KCND2: variants seen among roughly 807,000 people sequenced by gnomAD.
The protein encoded by KCND2 is A-type voltage-gated potassium channel KCND2.
A neutral mutation model predicts 54.4 loss-of-function variants in KCND2; 16 were observed. The observed-to-expected ratio is 0.29, with a 90% CI of 0.20 to 0.45. KCND2 has a LOEUF of 0.45. Among genes scored for constraint, KCND2 ranks in the 20% least tolerant of loss-of-function variants. The pLI is 1.00. For missense variants in KCND2, 486 were observed against 824.2 expected (o/e 0.59, Z 5.02); for synonymous variants, 317 against 310.7 (o/e 1.02, Z -0.21).
intron 1 of KCND2, among the ~76,000 whole-genome samples, chr7:120,293,575 T>C (rs1339852186): frequency 6.6e-6 from 1 of 151,876 alleles, no homozygotes; most frequent in Non-Finnish European, 1.5e-5. Context: ...CAGACACATA[T>C]GGCTTTCCTG....
intron 4 of KCND2, 83 bp from the exon 5 acceptor site, chr7:120,745,697 T>G: frequency 7.0e-7 from 1 of 1,436,570 alleles, no homozygotes; most frequent in South Asian, 1.2e-5. Context: ...TTGGGCAGAT[T>G]TGAGCTTTAA....
At chr7:120,377,859 A>G (rs946731111) in intron 1 of KCND2, among the ~76,000 whole-genome samples, 1 of 151,864 alleles carries the variant, frequency 6.6e-6, no homozygotes, top group Admixed American at 6.6e-5. Context: ...CAGAAGCTAC[A>G]TTGTCCTCAG....
intron 1 of KCND2, among the ~76,000 whole-genome samples, chr7:120,553,942 G>A (rs555431867): frequency 3.8e-4 from 58 of 152,292 alleles, no homozygotes; most frequent in African/African-American, 1.3e-3. Context: ...TTAGACAAAA[G>A]CTTGGAGGTG....
Position 120,682,919 on chromosome 7 carries a change from C to T in KCND2, c.1116-49984C>T, listed in dbSNP as rs561769781. Reference sequence around the variant, plus strand: ...CCTACTCAGGGTGTTAAAATGACTACAGCAGCCGTAAGCATCACATGTTCA... The same window carrying T: ...CCTACTCAGGGTGTTAAAATGACTATAGCAGCCGTAAGCATCACATGTTCA... On this transcript the variant is annotated intron_variant, in intron 1 of 5. Coordinates refer to ENST00000331113, the MANE Select transcript of KCND2 (RefSeq NM_012281.3). Among the ~76,000 whole-genome samples, 62 of 152,250 alleles carry T rather than the reference C, an allele frequency of 4.1e-4. 1 individual carries two copies. Among genetic ancestry groups the T allele is most frequent in the African/African-American group, 1.2e-3 (51 of 41,562 alleles).
intron 1 of KCND2, among the ~76,000 whole-genome samples, chr7:120,488,969 G>A (rs78128790): frequency 6.6e-6 from 1 of 152,010 alleles, no homozygotes; most frequent in East Asian, 1.9e-4. Context: ...AGTATAGAAT[G>A]TTAAATCATT....
At chr7:120,363,535 G>T (rs2116403880) in intron 1 of KCND2, among the ~76,000 whole-genome samples, 1 of 152,140 alleles carries the variant, frequency 6.6e-6, no homozygotes, top group Middle Eastern at 3.4e-3. Flanking sequence ...GATGTATCCA[G>T]AGAGCAACCA....
intron 1 of KCND2, among the ~76,000 whole-genome samples, chr7:120,464,969 C>T (rs1802346875): frequency 6.6e-6 from 1 of 152,160 alleles, no homozygotes; most frequent in South Asian, 2.1e-4. Flanking sequence ...TTAAGGTCAA[C>T]TGGCTGGCTA....
intron 1 of KCND2, among the ~76,000 whole-genome samples, chr7:120,358,220 G>T (rs1277275412): frequency 6.6e-6 from 1 of 152,160 alleles, no homozygotes; most frequent in African/African-American, 2.4e-5. Context: ...AGGTGAATAA[G>T]ATGTGTCAGT....
At chr7:120,464,394 A>C (rs1409942472) in intron 1 of KCND2, among the ~76,000 whole-genome samples, 1 of 152,162 alleles carries the variant, frequency 6.6e-6, no homozygotes, top group Non-Finnish European at 1.5e-5. Context: ...GAAGAAGCAG[A>C]CATATGTAGA....
At chr7:120,676,856 G>C (rs1792066903) in intron 1 of KCND2, among the ~76,000 whole-genome samples, 1 of 152,092 alleles carries the variant, frequency 6.6e-6, no homozygotes, top group Non-Finnish European at 1.5e-5. Context: ...AAGAAAAAAG[G>C]CATCTGGGTA....
intron 1 of KCND2, among the ~76,000 whole-genome samples, chr7:120,675,275 C>G (rs963170054): frequency 1.3e-5 from 2 of 152,056 alleles, no homozygotes; most frequent in Non-Finnish European, 2.9e-5. Context: ...CTCTGTCCCC[C>G]GAGCTGGAGT....
At chr7:120,690,731 G>A (rs1249731605) in intron 1 of KCND2, among the ~76,000 whole-genome samples, 3 of 152,094 alleles carry the variant, frequency 2.0e-5, no homozygotes, top group Non-Finnish European at 4.4e-5. Context: ...CCACTTCCAT[G>A]TGCTAAGCAC....
intron 1 of KCND2, among the ~76,000 whole-genome samples, chr7:120,711,220 A>G (rs1584892635): frequency 6.6e-6 from 1 of 152,272 alleles, no homozygotes; most frequent in Admixed American, 6.5e-5. Flanking sequence ...TCACATAAAG[A>G]CACTGAATTT....
chr7:120,579,813 C>T (rs1321643681), intron 1 of KCND2, among the ~76,000 whole-genome samples: 1 of 151,940 alleles, frequency 6.6e-6, no homozygotes, highest in Non-Finnish European at 1.5e-5. Context: ...GTCTTTACCA[C>T]ACTGTAATTA....
intron 1 of KCND2, among the ~76,000 whole-genome samples, chr7:120,482,933 T>G (rs1446625584): frequency 6.6e-6 from 1 of 152,178 alleles, no homozygotes; most frequent in Non-Finnish European, 1.5e-5. Flanking sequence ...ATGACCCTAC[T>G]ATTGACCCTG....
chr7:120,723,952 A>T lies in KCND2; in HGVS notation c.1116-8951A>T, dbSNP rs998102223. Among the ~76,000 whole-genome samples the T allele has an allele frequency of 5.3e-5, 8 of 152,212 alleles. No homozygotes were observed. The East Asian group carries it at 1.5e-3, about 29-fold the overall frequency. On this transcript the variant is annotated intron_variant, in intron 1 of 5. Transcript: ENST00000331113. The stretch of plus-strand genomic sequence containing the variant: ...GTTATGCTGGGCATTTTGTCTAAGT[A>T]TTGGAGAGGAATTTAGAAAAACTGA...
At chr7:120,681,192 C>A (rs1187412253) in intron 1 of KCND2, among the ~76,000 whole-genome samples, 1 of 152,070 alleles carries the variant, frequency 6.6e-6, no homozygotes, top group Non-Finnish European at 1.5e-5. Flanking sequence ...ATATTCATTT[C>A]AGAGTGCTGG....
At chr7:120,670,658 T>C (rs1043263026) in intron 1 of KCND2, among the ~76,000 whole-genome samples, 4 of 152,082 alleles carry the variant, frequency 2.6e-5, no homozygotes, top group African/African-American at 9.7e-5. Context: ...GGCTCATGTC[T>C]GTAATCCCAG....
At chr7:120,311,450 A>G (rs943542085) in intron 1 of KCND2, among the ~76,000 whole-genome samples, 2 of 152,232 alleles carry the variant, frequency 1.3e-5, no homozygotes, top group African/African-American at 4.8e-5. Context: ...AGGAAATAGC[A>G]TTAATCTGAG....
Sources: gnomAD v4.1 joint callset for allele counts (sites outside exome capture counted in the v4.1 genomes callset) on GRCh38, gnomAD v4.1.1 for gene constraint, MANE v1.5 for transcripts, NCBI Gene and HGNC (gene_info 2026-07-23, HGNC 2026-07-21) for gene names.